The following DYNC1LI2 variants were observed in gnomAD, a reference collection of about 807,000 sequenced individuals.
DYNC1LI2 encodes the protein cytoplasmic dynein 1 light intermediate chain 2.
Under a neutral mutation model 57.8 loss-of-function variants are expected in DYNC1LI2, and 19 were observed. That is an observed-to-expected ratio of 0.33 (90% confidence interval 0.23 to 0.48). The LOEUF is 0.48. Among genes scored for constraint, DYNC1LI2 ranks in the 20% least tolerant of loss-of-function variants. The pLI, the probability that DYNC1LI2 is intolerant of heterozygous loss-of-function variation, is 0.99. For missense variants in DYNC1LI2, 470 were observed against 604.2 expected, an observed-to-expected ratio of 0.78 and a Z score of 2.33; for synonymous variants, 256 against 233.4, an observed-to-expected ratio of 1.10 and a Z score of -0.88.
chr16:66,727,622 C>T (rs1233505829), intron 11 of DYNC1LI2, 66 bp downstream of exon 11: 2 of 1,520,628 alleles, frequency 1.3e-6, no homozygotes. Context: ...GCCACCCAGC[C>T]CCTGCAGGGC....
intron 3 of DYNC1LI2, among the ~76,000 whole-genome samples, chr16:66,743,913 T>C (rs2017887901): frequency 6.6e-6 from 1 of 152,252 alleles, no homozygotes; most frequent in Non-Finnish European, 1.5e-5. Flanking sequence ...AATATGGTTA[T>C]GTTTTTAAAA....
At chr16:66,725,716 C>T (rs1464998457) in intron 12 of DYNC1LI2, 112 bp downstream of exon 12, 1 of 1,042,052 alleles carries the variant, frequency 9.6e-7, no homozygotes, top group Non-Finnish European at 1.4e-6. Context: ...AGACCTGCTT[C>T]CTTGCTTGGC....
Position 66,729,092 on chromosome 16 carries a change from TG to T in DYNC1LI2, c.1048del (p.His350ThrfsTer14). ...ATCTTCTGCTGCCAACTCTTTGTCGTGGACCAGCTGTGAAACAACATACATG... is the reference window on the plus strand; with the variant it reads ...ATCTTCTGCTGCCAACTCTTTGTCGTGACCAGCTGTGAAACAACATACATG... ...IVKPPVRKLV[H>X]DKELAAEDEQ... On this transcript the variant is annotated frameshift_variant, in exon 9 of 13. Coordinates refer to ENST00000258198, the MANE Select transcript of DYNC1LI2 (RefSeq NM_006141.3). LOFTEE classifies it high-confidence loss of function. The T allele has an allele frequency of 6.2e-7, 1 of 1,614,156 alleles. No individual in the cohort carries two copies. Among genetic ancestry groups the T allele is most frequent in the Non-Finnish European group, 8.5e-7 (1 of 1,180,040 alleles).
At chr16:66,729,582 T>G (rs1258264413) in intron 8 of DYNC1LI2, among the ~76,000 whole-genome samples, 4 of 145,036 alleles carry the variant, frequency 2.8e-5, no homozygotes, top group African/African-American at 1.0e-4. Flanking sequence ...TTTTTTTTTT[T>G]TTTTTTTTTT....
intron 4 of DYNC1LI2, chr16:66,739,084 CA>C (rs1399881088): frequency 6.6e-5 from 10 of 152,126 alleles, no homozygotes; most frequent in Non-Finnish European, 1.3e-4. Context: ...GCACTTTTAA[CA>C]AATCTTCAAA....
chr16:66,723,765 G>A lies in DYNC1LI2; in HGVS notation c.1436C>T (p.Pro479Leu), dbSNP rs770500336. 1.9e-6 allele frequency: 3 copies of A among 1,609,964 alleles called. No individual in the cohort carries two copies. The highest frequency in any genetic ancestry group is 1.7e-5 in the Admixed American group (1 of 59,356). Residue 479 changes from proline to leucine, a missense_variant, in exon 13 of 13, where the codon CCA (proline) becomes CTA (leucine). Physicochemically the swap from Pro to Leu is moderately conservative, Grantham distance 98. Coordinates refer to ENST00000258198, the MANE Select transcript of DYNC1LI2 (RefSeq NM_006141.3). ...QEELDRMTRK[P>L]DSMVTNSSTE... ...TGAAGAGTTTGTTACCATAGAGTCT[G>A]GCTTTCGAGTCATTCTATCCAGTTC...
chr16:66,734,997 C>CA (rs377398071), intron 5 of DYNC1LI2, among the ~76,000 whole-genome samples: 634 of 37,910 alleles, frequency 0.017, 42 homozygotes, highest in Middle Eastern at 0.025. Context: ...AACTCCGTCT[C>CA]AAAAAAAAAA....
intron 8 of DYNC1LI2, among the ~76,000 whole-genome samples, chr16:66,729,838 G>C (rs2017604416): frequency 2.0e-5 from 3 of 152,008 alleles, no homozygotes; most frequent in African/African-American, 7.2e-5. Flanking sequence ...TTGGAGTGCA[G>C]TGGCGCAATC....
intron 12 of DYNC1LI2, 127 bp from the exon 13 acceptor site, chr16:66,723,949 A>C: frequency 1.3e-6 from 1 of 780,936 alleles, no homozygotes; most frequent in Non-Finnish European, 2.0e-6. Context: ...AATAAGAATG[A>C]GGAAAGCCCT....
intron 3 of DYNC1LI2, among the ~76,000 whole-genome samples, chr16:66,743,736 T>C (rs1257908237): frequency 6.6e-6 from 1 of 152,196 alleles, no homozygotes; most frequent in Non-Finnish European, 1.5e-5. Flanking sequence ...CAAGCCCTTC[T>C]TGTGTTGGTC....
At chr16:66,732,198 A>G in intron 7 of DYNC1LI2, 141 bp downstream of exon 7, 1 of 1,091,364 alleles carries the variant, frequency 9.2e-7, no homozygotes, top group Non-Finnish European at 1.3e-6. Flanking sequence ...CATAATCCGG[A>G]AAGGAACAGA....
At chr16:66,728,346 C>A in intron 9 of DYNC1LI2, 104 bp from the exon 10 acceptor site, 1 of 1,336,764 alleles carries the variant, frequency 7.5e-7, no homozygotes, top group Non-Finnish European at 1.1e-6. Context: ...GCACTATTAA[C>A]AACAACTAAG....
At chr16:66,743,644 T>C (rs1303160504) in intron 3 of DYNC1LI2, among the ~76,000 whole-genome samples, 1 of 151,452 alleles carries the variant, frequency 6.6e-6, no homozygotes, top group Non-Finnish European at 1.5e-5. Flanking sequence ...TGGTCAACTG[T>C]GCCACAACCT....
Position 66,721,143 on chromosome 16 carries a change from G to A in DYNC1LI2, c.*2579C>T, listed in dbSNP as rs1180085407. ...TGTTAAGGTCATGATGTACAGAGCA[G>A]TCACTTTCAACTTTGTTAAATTAAT... On this transcript the variant is annotated 3_prime_UTR_variant, in exon 13 of 13. Transcript: ENST00000258198. 6.6e-6 allele frequency: 1 copy of A among 152,540 alleles called. No homozygotes were observed. Among genetic ancestry groups the A allele is most frequent in the Non-Finnish European group, 1.5e-5 (1 of 68,010 alleles). The allele number at this position is 152,540 out of a possible 1,614,324, so 9.4% of individuals were successfully genotyped here.
intron 6 of DYNC1LI2, 52 bp from the exon 7 acceptor site, chr16:66,732,526 G>A (rs748032226): frequency 3.8e-6 from 6 of 1,578,200 alleles, no homozygotes; most frequent in Non-Finnish European, 3.4e-6. Flanking sequence ...AGACAAAATC[G>A]AACACATACA....
chr16:66,723,798 A>G lies in DYNC1LI2; in HGVS notation c.1403T>C (p.Val468Ala), dbSNP rs1596983400. Reference protein sequence around the residue: ...KSGQKTVLSNVQEELDRMTRK... With the variant: ...KSGQKTVLSNAQEELDRMTRK... Reference sequence around the variant, plus strand: ...AGTCATTCTATCCAGTTCTTCCTGAACATTTGACAACACAGTCTTTTGTCC... The same window carrying G: ...AGTCATTCTATCCAGTTCTTCCTGAGCATTTGACAACACAGTCTTTTGTCC... The change falls in exon 13 of 13, where the codon GTT (valine) becomes GCT (alanine). Residue 468 changes from valine (V) to alanine (A), a missense_variant. Physicochemically the swap from Val to Ala is moderately conservative, Grantham distance 64. Coordinates refer to ENST00000258198, the MANE Select transcript of DYNC1LI2 (RefSeq NM_006141.3). 4.4e-6 allele frequency: 7 copies of G among 1,605,698 alleles called. No individual in the cohort carries two copies. The highest frequency in any genetic ancestry group is 5.9e-6 in the Non-Finnish European group (7 of 1,178,232).
At chr16:66,750,788 A>G (rs1320830549) in intron 2 of DYNC1LI2, among the ~76,000 whole-genome samples, 2 of 152,152 alleles carry the variant, frequency 1.3e-5, no homozygotes, top group Non-Finnish European at 2.9e-5. Context: ...GTAACCTAGC[A>G]GTGAGGGCTA....
intron 4 of DYNC1LI2, chr16:66,738,327 C>A (rs551302657): frequency 6.8e-6 from 1 of 147,788 alleles, no homozygotes; most frequent in Admixed American, 6.8e-5. Context: ...CGGCTCACTG[C>A]ATCCTCCACC....
chr16:66,749,371 G>GGCATGACACTC, intron 2 of DYNC1LI2, 58 bp from the exon 3 acceptor site: 2 of 1,494,402 alleles, frequency 1.3e-6, no homozygotes, highest in Non-Finnish European at 1.9e-6. Context: ...AGGATGGGGA[G>GGCATGACACTC]GCATGACACT....
Sources: gnomAD v4.1 joint callset for allele counts (sites outside exome capture counted in the v4.1 genomes callset) on GRCh38, gnomAD v4.1.1 for gene constraint, MANE v1.5 for transcripts, NCBI Gene and HGNC (gene_info 2026-07-23, HGNC 2026-07-21) for gene names.